TBX5: variants seen among roughly 807,000 people sequenced by gnomAD.
TBX5 encodes T-box transcription factor 5, also known as T-box transcription factor TBX5.
A neutral mutation model predicts 51.1 loss-of-function variants in TBX5; 8 were observed. That is an observed-to-expected ratio of 0.16 (90% CI 0.09 to 0.28). The LOEUF is 0.28. Ranked by LOEUF, TBX5 falls within the 10% of genes least tolerant of loss-of-function variation. The pLI, the probability that TBX5 is intolerant of heterozygous loss-of-function variation, is 1.00. For missense variants in TBX5, 589 were observed against 671.7 expected (o/e 0.88, Z 1.36); for synonymous variants, 302 against 266.4 (o/e 1.13, Z -1.30).
chr12:114,404,537 T>C (rs780754957), intron 1 of TBX5, among the ~76,000 whole-genome samples: 1 of 152,200 alleles, frequency 6.6e-6, no homozygotes, highest in Admixed American at 6.5e-5. Context: ...AGAATTCATA[T>C]ACACCTTTTA....
Position 114,405,788 on chromosome 12 carries a change from G to T in TBX5, c.-199C>A. On this transcript the variant is annotated 5_prime_UTR_variant, in exon 1 of 9. Coordinates refer to ENST00000405440, the MANE Select transcript of TBX5 (RefSeq NM_181486.4). ...TGCTGCCTACTAGGGCGCACCTACC[G>T]CTGGAGCCTCCGCGGCGACTGCCCA... 4.1e-6 allele frequency: 4 copies of T among 985,520 alleles called. No homozygotes were observed. The highest frequency in any genetic ancestry group is 4.8e-6 in the Non-Finnish European group (4 of 830,036). 61.0% of individuals were successfully genotyped at this position (985,520 alleles called of 1,614,324 possible).
chr12:114,404,198 G>A (rs1368933937), intron 1 of TBX5, among the ~76,000 whole-genome samples: 1 of 152,122 alleles, frequency 6.6e-6, no homozygotes, highest in African/African-American at 2.4e-5. Flanking sequence ...GAGAAGGTGA[G>A]GCCCGCATCT....
upstream of TBX5, chr12:114,407,786 C>A: frequency 1.0e-6 from 1 of 985,410 alleles, no homozygotes; most frequent in East Asian, 1.1e-4. Flanking sequence ...ACCTATTTCC[C>A]CCCTCAGTCC....
At chr12:114,407,951 A>G, upstream of TBX5, 15 of 985,478 alleles carry the variant, frequency 1.5e-5, no homozygotes, top group Non-Finnish European at 1.8e-5. Flanking sequence ...ACGTCTGTCA[A>G]GAAGAGCACG....
At chr12:114,403,311 T>C (rs888399477) in intron 2 of TBX5, among the ~76,000 whole-genome samples, 8 of 152,118 alleles carry the variant, frequency 5.3e-5, no homozygotes, top group African/African-American at 1.9e-4. Flanking sequence ...AGGCGAAGGC[T>C]ACGGAAGATC....
At chr12:114,407,052 G>C (rs1872273997), upstream of TBX5, 9 of 985,358 alleles carry the variant, frequency 9.1e-6, no homozygotes, top group Non-Finnish European at 9.6e-6. Flanking sequence ...ACTTGGGCCT[G>C]CAAGTCAAGG....
intron 7 of TBX5, among the ~76,000 whole-genome samples, chr12:114,381,439 C>T (rs1035832243): frequency 5.3e-5 from 8 of 152,144 alleles, no homozygotes; most frequent in African/African-American, 1.4e-4. Context: ...TCACTACTGA[C>T]TGCAACCTGG....
rs1565923943 is a variant in TBX5, at chr12:114,356,078, G to C, written c.1011C>G (p.Pro337=). ...KEEECSTTDH[P]YKKPYMETSP... The stretch of plus-strand genomic sequence containing the variant: ...ATGTCTCCATGTAGGGCTTCTTATA[G>C]GGATGGTCTGTGGTGGAACATTCTT... Residue 337 remains proline (P), a synonymous_variant, in exon 9 of 9, where the codon CCC becomes CCG. Coordinates refer to ENST00000405440, the MANE Select transcript of TBX5 (RefSeq NM_181486.4). 5.0e-6 allele frequency: 8 copies of C among 1,613,068 alleles called. No individual in the cohort carries two copies. Among genetic ancestry groups the C allele is most frequent in the Non-Finnish European group, 6.8e-6 (8 of 1,180,026 alleles).
intron 8 of TBX5, among the ~76,000 whole-genome samples, chr12:114,365,898 A>G (rs1323351517): frequency 1.3e-5 from 2 of 151,990 alleles, no homozygotes; most frequent in Non-Finnish European, 2.9e-5. Flanking sequence ...CGCCACGTGT[A>G]TGTGTGCATA....
chr12:114,407,749 G>T, upstream of TBX5: 2 of 985,408 alleles, frequency 2.0e-6, no homozygotes, highest in Non-Finnish European at 2.4e-6. Context: ...GGGGTGAAAA[G>T]CCAAGGAGGG....
intron 8 of TBX5, among the ~76,000 whole-genome samples, chr12:114,363,401 C>A (rs1351921073): frequency 3.3e-5 from 5 of 152,190 alleles, no homozygotes; most frequent in African/African-American, 1.2e-4. Context: ...AGCCTCCCTG[C>A]CGCATCCTTC....
chr12:114,382,903 G>A (rs546709228), intron 7 of TBX5, among the ~76,000 whole-genome samples: 80 of 151,772 alleles, frequency 5.3e-4, no homozygotes, highest in African/African-American at 1.9e-3. Flanking sequence ...CTGAGCCTGT[G>A]GATGTCAGGG....
intron 7 of TBX5, among the ~76,000 whole-genome samples, chr12:114,367,820 C>T (rs117897566): frequency 0.019 from 2,875 of 152,226 alleles, 35 homozygotes; most frequent in Non-Finnish European, 0.029. Context: ...GCATATATTG[C>T]TAAACAGCCA....
rs139857351 is a variant in TBX5 at position 114,405,941 on chromosome 12, C to T, written c.-352G>A. 1.5e-3 allele frequency: 1,509 copies of T among 985,456 alleles called. 11 individuals carry two copies. In the African/African-American group the frequency reaches 0.022, roughly 14 times the overall value. 61.0% of individuals were successfully genotyped at this position (985,456 alleles called of 1,614,324 possible). ...CATATAATCTCAGTGCCCCGCTCCT[C>T]CTTTACACCCCCAGGGAGGGAAAGT... On this transcript the variant is annotated 5_prime_UTR_variant, in exon 1 of 9. Transcript: ENST00000405440.
chr12:114,364,753 G>A lies in TBX5; in HGVS notation c.982+1412C>T, dbSNP rs145118042. ...CCCAATCATGGCTGCCACCTACTGC[G>A]TACTTGCTAACTATCAGATGCTTTA... On this transcript the variant is annotated intron_variant, in intron 8 of 8. Transcript: ENST00000405440. 1.6e-4 allele frequency among the ~76,000 whole-genome samples: 25 copies of A among 152,294 alleles called. No homozygotes were observed. In the East Asian group the frequency reaches 3.5e-3, roughly 21 times the overall value.
At chr12:114,387,135 C>A (rs1870863162) in intron 6 of TBX5, among the ~76,000 whole-genome samples, 1 of 151,850 alleles carries the variant, frequency 6.6e-6, no homozygotes, top group African/African-American at 2.4e-5. Context: ...AAAAAACAAA[C>A]AAACAAAAAA....
chr12:114,386,281 T>A (rs1048931982), intron 6 of TBX5, among the ~76,000 whole-genome samples: 1 of 152,170 alleles, frequency 6.6e-6, no homozygotes, highest in Non-Finnish European at 1.5e-5. Flanking sequence ...CACGTTTTGG[T>A]TCCAGGCCCA....
intron 7 of TBX5, among the ~76,000 whole-genome samples, chr12:114,384,714 A>AACACAC (rs1555225276): frequency 0.018 from 2,647 of 143,890 alleles, 39 homozygotes; most frequent in African/African-American, 0.039. Flanking sequence ...AAAAAAAGAA[A>AACACAC]ACACACACAC....
intron 8 of TBX5, among the ~76,000 whole-genome samples, chr12:114,358,127 A>G (rs1026260133): frequency 6.6e-6 from 1 of 152,208 alleles, no homozygotes; most frequent in Non-Finnish European, 1.5e-5. Flanking sequence ...GATTGGATTG[A>G]CTTTGCCTAC....
Sources: allele counts gnomAD v4.1 joint callset (sites outside exome capture counted in the v4.1 genomes callset), GRCh38; gene constraint gnomAD v4.1.1; transcripts MANE v1.5; gene names NCBI Gene and HGNC (gene_info 2026-07-23, HGNC 2026-07-21).